The following BLM variants were observed in gnomAD, a reference collection of about 807,000 sequenced individuals.
The protein encoded by BLM is recQ-like DNA helicase BLM.
A neutral mutation model predicts 135.3 loss-of-function variants in BLM; 95 were observed. That is an observed-to-expected ratio of 0.70 (90% CI 0.59 to 0.83). The LOEUF is 0.83. BLM is among the 40% of genes least tolerant of loss of function. BLM has a pLI of 0.00. For missense variants in BLM, 1,518 were observed against 1,663.9 expected (o/e 0.91, Z 1.53); for synonymous variants, 520 against 589.2 (o/e 0.88, Z 1.70).
At chr15:90,755,167 A>G (rs1895786133) in intron 5 of BLM, 1 of 562,968 alleles carries the variant, frequency 1.8e-6, no homozygotes, top group Non-Finnish European at 3.1e-6. Context: ...TGAAAATGCT[A>G]CTTGTTAGAA....
intron 9 of BLM, among the ~76,000 whole-genome samples, chr15:90,766,074 A>C (rs1325295681): frequency 2.0e-5 from 3 of 152,162 alleles, no homozygotes; most frequent in Non-Finnish European, 4.4e-5. Flanking sequence ...ATGCCACTAC[A>C]ATCTAGCCTT....
chr15:90,807,567 C>A (rs564384883), intron 19 of BLM, among the ~76,000 whole-genome samples: 2 of 152,092 alleles, frequency 1.3e-5, no homozygotes, highest in South Asian at 4.2e-4. Flanking sequence ...GCTTGGCTAG[C>A]TTTTTTATTT....
At chr15:90,800,927 C>A in intron 17 of BLM, among the ~76,000 whole-genome samples, 1 of 152,052 alleles carries the variant, frequency 6.6e-6, no homozygotes, top group South Asian at 2.1e-4. Context: ...GTGGGTGGTT[C>A]ACTTGAGGTC....
intron 12 of BLM, among the ~76,000 whole-genome samples, chr15:90,775,902 G>T (rs1031011588): frequency 1.3e-5 from 2 of 151,954 alleles, no homozygotes; most frequent in Admixed American, 1.3e-4. Context: ...TATATTGTTC[G>T]GGTTAGTCTG....
chr15:90,765,371 G>C lies in BLM; in HGVS notation c.2150G>C (p.Arg717Thr), dbSNP rs28406486. Residue 717 changes from arginine (R) to threonine (T), a missense_variant, in exon 9 of 22, where the codon AGA becomes ACA. Around this residue, in one of 5 missense-constraint regions of BLM, gnomAD observed 626 missense variants for 681.1 expected, o/e 0.92. Coordinates refer to ENST00000355112, the MANE Select transcript of BLM (RefSeq NM_000057.4). The part of the protein sequence containing the change: ...PGVTVVISPL[R>T]SLIVDQVQKL... ...GTCACTGTTGTCATTTCTCCCTTGA[G>C]ATCACTTATCGTAGATCAAGTCCAA... 1 of 1,613,624 alleles carries C rather than the reference G, an allele frequency of 6.2e-7. No homozygotes were observed. Among genetic ancestry groups the C allele is most frequent in the Non-Finnish European group, 8.5e-7 (1 of 1,179,642 alleles).
chr15:90,752,922 C>T (rs187847879), intron 4 of BLM, among the ~76,000 whole-genome samples: 1 of 152,310 alleles, frequency 6.6e-6, no homozygotes, highest in Non-Finnish European at 1.5e-5. Flanking sequence ...CAGGTTGATA[C>T]AATGAATGAC....
At position 90,803,622 on chromosome 15, in the gene BLM, A is replaced by C; in HGVS notation, c.3460A>C (p.Ile1154Leu). 1 of 1,614,158 alleles carries C rather than the reference A, an allele frequency of 6.2e-7. No individual in the cohort carries two copies. Among genetic ancestry groups the C allele is most frequent in the Non-Finnish European group, 8.5e-7 (1 of 1,180,008 alleles). The change falls in exon 18 of 22, where the codon ATT becomes CTT. Residue 1154 changes from isoleucine (I) to leucine (L), a missense_variant. By Grantham distance (5) the Ile-to-Leu change is conservative (BLOSUM62 2). Coordinates refer to ENST00000355112, the MANE Select transcript of BLM (RefSeq NM_000057.4). ...TTTTAAAAAGCTGATACTTGACAAG[A>C]TTTTGGATGAAGACTTATATATCAA... ...RLFKKLILDK[I>L]LDEDLYINAN...
intron 1 of BLM, among the ~76,000 whole-genome samples, chr15:90,722,379 G>C (rs1054219513): frequency 6.6e-6 from 1 of 152,094 alleles, no homozygotes; most frequent in Non-Finnish European, 1.5e-5. Context: ...AAAGTGCTGG[G>C]ATTACAGGCA....
In BLM at chr15:90,749,347, G is replaced by C. The variant is rs1306363184; in HGVS notation, c.99-20G>C. 1 of 1,562,234 alleles carries C rather than the reference G, an allele frequency of 6.4e-7. No individual in the cohort carries two copies. On this transcript the variant is annotated intron_variant, in intron 2 of 21. Coordinates refer to ENST00000355112, the MANE Select transcript of BLM (RefSeq NM_000057.4). ...TCTTAAAATGGATCCATCTAATCTAGTTTTTCCATTATTTTTCAGAGGTTT... is the reference window on the plus strand; with the variant it reads ...TCTTAAAATGGATCCATCTAATCTACTTTTTCCATTATTTTTCAGAGGTTT...
At chr15:90,727,158 G>A (rs1023349522) in intron 1 of BLM, among the ~76,000 whole-genome samples, 1 of 143,374 alleles carries the variant, frequency 7.0e-6, no homozygotes, top group African/African-American at 3.0e-5. Flanking sequence ...ACTTCATTGT[G>A]TTTTTGTTTT....
rs377266736 is a variant in BLM at position 90,751,784 on chromosome 15, T to C, written c.800-3T>C. The C allele has an allele frequency of 6.2e-7, 1 of 1,609,204 alleles. No individual in the cohort carries two copies. Among genetic ancestry groups the C allele is most frequent in the African/African-American group, 1.3e-5 (1 of 74,818 alleles). On this transcript the variant is annotated splice_region_variant and splice_polypyrimidine_tract_variant and intron_variant, in intron 3 of 21. Coordinates refer to ENST00000355112, the MANE Select transcript of BLM (RefSeq NM_000057.4). ...TCTATGTTTATCAACTGTTTTACTG[T>C]AGATAATAGCGAAAAGAAGAAGAAT...
At chr15:90,741,211 C>T (rs967621312) in intron 1 of BLM, among the ~76,000 whole-genome samples, 1 of 152,178 alleles carries the variant, frequency 6.6e-6, no homozygotes, top group Non-Finnish European at 1.5e-5. Context: ...ATTCACTGCC[C>T]TTGATTTGTG....
At chr15:90,790,403 T>C (rs1896874363) in intron 14 of BLM, 1 of 513,832 alleles carries the variant, frequency 1.9e-6, no homozygotes, top group Admixed American at 3.2e-5. Context: ...TGCCAAGTCA[T>C]ACAAGAAAGT....
At chr15:90,768,668 TCTG>T (rs2151165309) in intron 10 of BLM, among the ~76,000 whole-genome samples, 1 of 152,334 alleles carries the variant, frequency 6.6e-6, no homozygotes, top group East Asian at 1.9e-4. Context: ...TTCTATTACT[TCTG>T]CTGTTCTCTT....
chr15:90,791,932 G>A (rs1023585548), intron 15 of BLM, among the ~76,000 whole-genome samples: 2 of 151,972 alleles, frequency 1.3e-5, no homozygotes, highest in Non-Finnish European at 1.5e-5. Flanking sequence ...GAGCCACCAC[G>A]CCCGGCCTTA....
intron 18 of BLM, 139 bp from the exon 19 acceptor site, chr15:90,804,028 C>T (rs1433282609): frequency 7.5e-6 from 6 of 799,638 alleles, no homozygotes; most frequent in Non-Finnish European, 1.0e-5. Context: ...AATGCACAGC[C>T]CCTGTTCCCA....
intron 19 of BLM, among the ~76,000 whole-genome samples, chr15:90,805,217 C>A (rs1897262007): frequency 6.6e-6 from 1 of 151,252 alleles, no homozygotes; most frequent in South Asian, 2.1e-4. Context: ...TGTTCTTTAA[C>A]ATATATATAG....
At position 90,807,588 on chromosome 15, in the gene BLM, A is replaced by G. The variant is rs76240276; in HGVS notation, c.3752-1549A>G. Among the ~76,000 whole-genome samples the G allele has an allele frequency of 7.0e-3, 1,062 of 152,036 alleles. 14 individuals are homozygous for G. Among genetic ancestry groups the G allele is most frequent in the African/African-American group, 0.023 (954 of 41,458 alleles). Reference sequence around the variant, plus strand: ...CTAGCTTTTTTATTTTTTTGCAGAGACAGGGCCTCACTGTTACCCAGACTG... The same window carrying G: ...CTAGCTTTTTTATTTTTTTGCAGAGGCAGGGCCTCACTGTTACCCAGACTG... On this transcript the variant is annotated intron_variant, in intron 19 of 21. Coordinates refer to ENST00000355112, the MANE Select transcript of BLM (RefSeq NM_000057.4).
intron 14 of BLM, 107 bp downstream of exon 14, chr15:90,785,188 T>A (rs144629112): frequency 9.0e-6 from 11 of 1,225,984 alleles, no homozygotes; most frequent in Non-Finnish European, 1.0e-5. Flanking sequence ...GTAGTAAACA[T>A]CAAAATAAGA....
Sources: gnomAD v4.1 joint callset for allele counts (sites outside exome capture counted in the v4.1 genomes callset) on GRCh38, gnomAD v4.1.1 for gene constraint, gnomAD v4.1.1 regional missense constraint, MANE v1.5 for transcripts, NCBI Gene and HGNC (gene_info 2026-07-23, HGNC 2026-07-21) for gene names.